The following PRICKLE2 variants were observed in gnomAD, a reference collection of about 807,000 sequenced individuals.
PRICKLE2 encodes the protein prickle planar cell polarity protein 2.
A neutral mutation model predicts 81.4 loss-of-function variants in PRICKLE2; 21 were observed. The ratio of observed to expected loss-of-function variants is 0.26; its 90% CI spans 0.18 to 0.37. The LOEUF (loss-of-function observed/expected upper bound fraction) is 0.37. Ranked by LOEUF, PRICKLE2 falls within the 10% of genes least tolerant of loss-of-function variation. The pLI is 1.00. For missense variants in PRICKLE2, 940 were observed against 1,109.0 expected, an observed-to-expected ratio of 0.85 and a Z score of 2.16; for synonymous variants, 456 against 421.5, an observed-to-expected ratio of 1.08 and a Z score of -1.00.
intron 2 of PRICKLE2, among the ~76,000 whole-genome samples, chr3:64,178,749 G>C (rs549161614): frequency 6.6e-6 from 1 of 152,324 alleles, no homozygotes; most frequent in East Asian, 1.9e-4. Context: ...CCTCCTAGGA[G>C]AAATATGGGG....
At chr3:64,125,667 A>G (rs1326862982) in intron 7 of PRICKLE2, among the ~76,000 whole-genome samples, 1 of 152,248 alleles carries the variant, frequency 6.6e-6, no homozygotes, top group African/African-American at 2.4e-5. Flanking sequence ...TACACTTTTT[A>G]GACAGAATAG....
At chr3:64,126,868 G>T (rs2077115553) in intron 7 of PRICKLE2, among the ~76,000 whole-genome samples, 1 of 152,022 alleles carries the variant, frequency 6.6e-6, no homozygotes. Context: ...GAGCCACTGT[G>T]CCCGGCCTTG....
chr3:64,198,802 C>T lies in PRICKLE2; in HGVS notation c.126G>A (p.Pro42=), dbSNP rs145790169. ...CALEEYAWVP[P]GLKPEQVHQY... is the part of the protein sequence containing the mutation. ...ATGGTACCTGTTCAGGCTTCAGACC[C>T]GGCGGGACCCAGGCATACTCTTCCA... The change falls in exon 2 of 8, where the codon CCG becomes CCA. Residue 42 remains proline, a synonymous_variant. Transcript: ENST00000638394. 82 of 1,614,002 alleles carry T rather than the reference C, an allele frequency of 5.1e-5. No homozygotes were observed. The highest frequency in any genetic ancestry group is 2.9e-4 in the East Asian group (13 of 44,882).
intron 2 of PRICKLE2, among the ~76,000 whole-genome samples, chr3:64,257,715 C>T (rs2079547668): frequency 6.6e-6 from 1 of 152,158 alleles, no homozygotes; most frequent in African/African-American, 2.4e-5. Flanking sequence ...CTTGGGAGGG[C>T]AGTGGGTGGG....
At chr3:64,246,406 C>T (rs189599438) in intron 2 of PRICKLE2, among the ~76,000 whole-genome samples, 2 of 152,278 alleles carry the variant, frequency 1.3e-5, no homozygotes, top group East Asian at 3.9e-4. Context: ...ATAACCGTGA[C>T]CCAACCTATA....
chr3:64,178,682 T>C (rs1005471343), intron 2 of PRICKLE2, among the ~76,000 whole-genome samples: 3 of 152,234 alleles, frequency 2.0e-5, no homozygotes, highest in Admixed American at 6.5e-5. Context: ...TCTTTATTCA[T>C]GGCAGTTATG....
At chr3:64,260,772 C>A (rs2079604975) in intron 2 of PRICKLE2, among the ~76,000 whole-genome samples, 1 of 152,156 alleles carries the variant, frequency 6.6e-6, no homozygotes, top group South Asian at 2.1e-4. Context: ...CTTTTGGGGC[C>A]AGAGAGAAGA....
chr3:64,109,779 T>C (rs1453048531), intron 7 of PRICKLE2, among the ~76,000 whole-genome samples: 1 of 152,212 alleles, frequency 6.6e-6, no homozygotes, highest in Non-Finnish European at 1.5e-5. Context: ...GGCTTTGTTT[T>C]TTAGCAGCAT....
At chr3:64,178,999 C>CTTTCTTTT (rs1350267867) in intron 2 of PRICKLE2, among the ~76,000 whole-genome samples, 1 of 147,822 alleles carries the variant, frequency 6.8e-6, no homozygotes, top group East Asian at 2.0e-4. Flanking sequence ...TTCTTTCTTT[C>CTTTCTTTT]TTTCTTTCTT....
intron 1 of PRICKLE2, among the ~76,000 whole-genome samples, chr3:64,217,787 C>A (rs1267573032): frequency 1.3e-5 from 2 of 152,166 alleles, no homozygotes; most frequent in Admixed American, 1.3e-4. Flanking sequence ...ACTAAGGAGA[C>A]TGGAGCATGG....
Position 64,098,920 on chromosome 3 carries a change from T to C in PRICKLE2, c.*131A>G. The C allele has an allele frequency of 1.0e-6, 1 of 1,001,344 alleles. No homozygotes were observed. The highest frequency in any genetic ancestry group is 1.6e-6 in the Non-Finnish European group (1 of 636,824). The allele number at this position is 1,001,344 out of a possible 1,614,324, so 62.0% of individuals were successfully genotyped here. A position where few individuals can be genotyped will look rare whatever the true frequency, so the allele number is the denominator to read the frequency against. The stretch of plus-strand genomic sequence containing the variant: ...GAGTCAACCTGTAACCTTGCCTCCA[T>C]CTACTGACAGCATTTTCCCTTTTCT... On this transcript the variant is annotated 3_prime_UTR_variant, in exon 8 of 8. Transcript: ENST00000638394.
intron 3 of PRICKLE2, among the ~76,000 whole-genome samples, chr3:64,162,428 G>A (rs954585402): frequency 6.6e-6 from 1 of 152,104 alleles, no homozygotes; most frequent in Non-Finnish European, 1.5e-5. Context: ...ACAGTGCCAT[G>A]TTTCTGGGTT....
chr3:64,219,536 C>A (rs953811721), intron 1 of PRICKLE2, among the ~76,000 whole-genome samples: 3 of 152,158 alleles, frequency 2.0e-5, no homozygotes, highest in Non-Finnish European at 4.4e-5. Context: ...ACTTTCCAAG[C>A]AATCTCACAC....
intron 2 of PRICKLE2, among the ~76,000 whole-genome samples, chr3:64,174,150 T>A (rs377395148): frequency 3.0e-4 from 45 of 152,308 alleles, no homozygotes; most frequent in South Asian, 1.7e-3. Flanking sequence ...GATTCTCCAC[T>A]TTGGGAATAG....
At chr3:64,252,922 A>T (rs2079470285) in intron 2 of PRICKLE2, among the ~76,000 whole-genome samples, 1 of 152,228 alleles carries the variant, frequency 6.6e-6, no homozygotes, top group African/African-American at 2.4e-5. Context: ...ATATGTTCCT[A>T]TAAAACTTTA....
At chr3:64,263,744 T>A (rs2079650950) in intron 2 of PRICKLE2, among the ~76,000 whole-genome samples, 1 of 152,182 alleles carries the variant, frequency 6.6e-6, no homozygotes, top group Non-Finnish European at 1.5e-5. Context: ...ATAACTGTCT[T>A]AAGAATTCCA....
intron 7 of PRICKLE2, among the ~76,000 whole-genome samples, chr3:64,130,493 T>G (rs1237213894): frequency 6.6e-6 from 1 of 152,160 alleles, no homozygotes; most frequent in Non-Finnish European, 1.5e-5. Context: ...CTAGGAGTTT[T>G]GGGTAGATTT....
intron 2 of PRICKLE2, among the ~76,000 whole-genome samples, chr3:64,197,459 T>C (rs559850377): frequency 1.3e-5 from 2 of 152,344 alleles, no homozygotes; most frequent in South Asian, 2.1e-4. Context: ...TCTTGTAAAT[T>C]TGTTTGAGTT....
rs1481689588 is a variant in PRICKLE2 at position 64,099,170 on chromosome 3, T to G, written c.2416A>C (p.Ser806Arg). 3 of 1,614,130 alleles carry G rather than the reference T, an allele frequency of 1.9e-6. No homozygotes were observed. The highest frequency in any genetic ancestry group is 2.7e-5 in the African/African-American group (2 of 74,950). The change falls in exon 8 of 8, where the codon AGC becomes CGC. Residue 806 changes from serine to arginine, a missense_variant. Ser to Arg is a moderately radical substitution (Grantham distance 110, BLOSUM62 -1). This residue lies in a region of PRICKLE2 where 670 missense variants were observed against 717.2 expected (regional missense o/e 0.93). Transcript: ENST00000638394. This position sits in a 1 kb window ranked among gnomAD's most constrained non-coding sequence, Gnocchi z 4.3. ...PQPARLRYVT[S>R]DELLHKYSSY... The stretch of plus-strand genomic sequence containing the variant: ...CTGTATTTGTGCAGCAGCTCATCGC[T>G]TGTGACGTATCGCAGGCGCGCTGGC...
Sources: allele counts gnomAD v4.1 joint callset (sites outside exome capture counted in the v4.1 genomes callset), GRCh38; gene constraint gnomAD v4.1.1; regional missense constraint gnomAD v4.1.1; non-coding constraint Gnocchi (gnomAD v3.1); transcripts MANE v1.5; gene names NCBI Gene and HGNC (gene_info 2026-07-23, HGNC 2026-07-21).